The following TUBGCP5 variants were observed in gnomAD, a reference collection of about 807,000 sequenced individuals.
TUBGCP5 encodes the protein gamma-tubulin complex component 5.
TUBGCP5 carries 98 observed loss-of-function variants against 134.7 expected under a neutral mutation model. The observed-to-expected ratio is 0.73, with a 90% CI of 0.62 to 0.86. TUBGCP5 has a LOEUF of 0.86. TUBGCP5 is among the 40% of genes least tolerant of loss of function. TUBGCP5 has a pLI of 0.00. For missense variants in TUBGCP5, 1,150 were observed against 1,244.8 expected, an observed-to-expected ratio of 0.92 and a Z score of 1.15; for synonymous variants, 456 against 431.4, an observed-to-expected ratio of 1.06 and a Z score of -0.71.
In TUBGCP5 at chr15:23,016,861, T is replaced by A. The variant is rs146910988; in HGVS notation, c.1756+912A>T. Among the ~76,000 whole-genome samples, 213 of 151,338 alleles carry A rather than the reference T, an allele frequency of 1.4e-3. 1 individual carries two copies. The highest frequency in any genetic ancestry group is 5.1e-3 in the African/African-American group (210 of 41,202). ...ATCCAAAGGAAAGGAAATCAGGATA[T>A]CAAAGAGACATCCGCACCCCCATGT... On this transcript the variant is annotated intron_variant, in intron 13 of 22. Coordinates refer to ENST00000615383, the MANE Select transcript of TUBGCP5 (RefSeq NM_052903.6).
At chr15:22,992,150 C>T (rs1357898883) in intron 23 of TUBGCP5, among the ~76,000 whole-genome samples, 1 of 152,120 alleles carries the variant, frequency 6.6e-6, no homozygotes, top group South Asian at 2.1e-4. Flanking sequence ...TCCTCCCTGG[C>T]GTAATAAATC....
At chr15:23,035,120 G>C (rs1250610183) in intron 3 of TUBGCP5, among the ~76,000 whole-genome samples, 1 of 152,054 alleles carries the variant, frequency 6.6e-6, no homozygotes, top group African/African-American at 2.4e-5. Context: ...TTGAGGTCAA[G>C]AGTTCGGGAC....
rs561920967 is a variant in TUBGCP5, at chr15:23,027,221, T to C, written c.708A>G (p.Leu236=). The change falls in exon 7 of 23, where the codon TTA becomes TTG. Residue 236 remains leucine, a synonymous_variant. Coordinates refer to ENST00000615383, the MANE Select transcript of TUBGCP5 (RefSeq NM_052903.6). ...CAGCAGCTAAATTAGAGTGCAAATG[T>C]AAACTATGAGGAAACTGGGAGGGCC... ...TARPSQFPHS[L]HLHSNLAAVW... The C allele has an allele frequency of 1.7e-5, 27 of 1,613,814 alleles. 3 individuals are homozygous for C. In the South Asian group the frequency reaches 3.0e-4, roughly 18 times the overall value.
At position 23,013,061 on chromosome 15, in the gene TUBGCP5, C is replaced by T. The variant is rs1432566477; in HGVS notation, c.1757-1730G>A. Among the ~76,000 whole-genome samples the T allele has an allele frequency of 6.6e-6, 1 of 152,078 alleles. No individual in the cohort carries two copies. Among genetic ancestry groups the T allele is most frequent in the Non-Finnish European group, 1.5e-5 (1 of 68,014 alleles). On this transcript the variant is annotated intron_variant, in intron 13 of 22. Transcript: ENST00000615383. This position sits in a 1 kb window ranked among gnomAD's most constrained non-coding sequence, Gnocchi z 4.5. ...GAAGTTGCAGTGAGCCGAGATCATGCCACTGCACTCCAGTCGCCAGCAAGG... is the reference window on the plus strand; with the variant it reads ...GAAGTTGCAGTGAGCCGAGATCATGTCACTGCACTCCAGTCGCCAGCAAGG...
At position 23,009,951 on chromosome 15, in the gene TUBGCP5, T is replaced by C; in HGVS notation, c.2138A>G (p.Asp713Gly). 1 of 1,611,940 alleles carries C rather than the reference T, an allele frequency of 6.2e-7. No individual in the cohort carries two copies. The highest frequency in any genetic ancestry group is 1.1e-5 in the South Asian group (1 of 90,888). Residue 713 changes from aspartate (D) to glycine (G), a missense_variant, in exon 15 of 23, where the codon GAT becomes GGT. Asp to Gly is a moderately conservative substitution (Grantham distance 94). Transcript: ENST00000615383. ...CGNLMQTLKK[D>G]YRLVEYLQAM... ...AATTAAATTACTCTTTTACCTGTAA[T>C]CTTTTTTTAGAGTTTGCATGAGATT... is the stretch of plus-strand genomic sequence containing the variant.
At chr15:22,988,599 G>T (rs1010208593) in intron 23 of TUBGCP5, among the ~76,000 whole-genome samples, 10 of 151,582 alleles carry the variant, frequency 6.6e-5, no homozygotes, top group African/African-American at 2.4e-4. Flanking sequence ...AGCCGGGCGT[G>T]GTGGTGGGTG....
rs554983044 is a variant in TUBGCP5 at position 22,991,401 on chromosome 15, ACT to A, written c.*61+5442_*61+5443del. Among the ~76,000 whole-genome samples the A allele has an allele frequency of 6.6e-5, 10 of 151,914 alleles. No homozygotes were observed. The South Asian group carries it at 1.9e-3, about 28-fold the overall frequency. On this transcript the variant is annotated intron_variant and NMD_transcript_variant, in intron 23 of 23. Transcript: ENST00000614508. ...GTGAGCCACCATGCCCAGCCAAATT[ACT>A]CTTTCTTAACTTAATGATGCCATGA...
chr15:23,036,619 T>C (rs759423507), intron 3 of TUBGCP5, among the ~76,000 whole-genome samples: 12 of 152,150 alleles, frequency 7.9e-5, no homozygotes, highest in African/African-American at 2.7e-4. Flanking sequence ...TTTGAAAGTT[T>C]TGAGATACCC....
intron 7 of TUBGCP5, 35 bp downstream of exon 7, chr15:23,027,157 T>C (rs2066026732): frequency 6.7e-7 from 1 of 1,484,074 alleles, no homozygotes. Flanking sequence ...AAGTTTCTTC[T>C]ATCATCACAT....
chr15:22,993,638 G>C (rs1270762006), intron 23 of TUBGCP5, among the ~76,000 whole-genome samples: 1 of 148,540 alleles, frequency 6.7e-6, no homozygotes, highest in African/African-American at 2.5e-5. Flanking sequence ...TCCGCCTCCT[G>C]GGTTCAAGCG....
chr15:23,010,962 C>G (rs997429967), intron 14 of TUBGCP5, among the ~76,000 whole-genome samples, 171 bp downstream of exon 14: 12 of 149,138 alleles, frequency 8.0e-5, no homozygotes, highest in Non-Finnish European at 1.3e-4. Flanking sequence ...GCCTGGGTGA[C>G]AGACTGAGGC....
At chr15:23,024,966 A>AGTGCAGC (rs1567150733) in intron 8 of TUBGCP5, 136 bp from the exon 9 acceptor site, 1 of 593,662 alleles carries the variant, frequency 1.7e-6, no homozygotes, top group Non-Finnish European at 3.0e-6. Context: ...CAGCAGCATG[A>AGTGCAGC]TCACAGCTCA....
At chr15:22,990,743 A>G (rs574877393) in intron 23 of TUBGCP5, among the ~76,000 whole-genome samples, 1 of 152,310 alleles carries the variant, frequency 6.6e-6, no homozygotes, top group African/African-American at 2.4e-5. Context: ...AAAGAGTCTT[A>G]GCAGATCTAA....
intron 7 of TUBGCP5, among the ~76,000 whole-genome samples, 193 bp from the exon 8 acceptor site, chr15:23,026,398 C>A (rs1273711384): frequency 1.3e-5 from 2 of 152,112 alleles, no homozygotes; most frequent in Non-Finnish European, 2.9e-5. Flanking sequence ...AGAACAATTA[C>A]AATTGTTACG....
At chr15:23,024,452 A>G in intron 9 of TUBGCP5, 1 of 445,756 alleles carries the variant, frequency 2.2e-6, no homozygotes, top group Non-Finnish European at 3.9e-6. Context: ...AAACAAAATT[A>G]CAGTATATAA....
intron 3 of TUBGCP5, among the ~76,000 whole-genome samples, chr15:23,035,636 C>T (rs1351220542): frequency 6.6e-6 from 1 of 152,158 alleles, no homozygotes; most frequent in Non-Finnish European, 1.5e-5. Context: ...CCCCACTGCA[C>T]CTCCTGCCAT....
intron 23 of TUBGCP5, among the ~76,000 whole-genome samples, chr15:22,989,195 A>G (rs1322040753): frequency 1.3e-5 from 2 of 152,168 alleles, no homozygotes; most frequent in African/African-American, 4.8e-5. Flanking sequence ...TGCCATGTAA[A>G]CTAACATAGT....
chr15:23,038,182 AAT>A (rs1491513472), intron 1 of TUBGCP5, among the ~76,000 whole-genome samples: 1 of 152,174 alleles, frequency 6.6e-6, no homozygotes, highest in Non-Finnish European at 1.5e-5. Context: ...CTATGCAAAA[AAT>A]GTTTTCCATT....
chr15:23,039,484 C>A lies in TUBGCP5; in HGVS notation c.60G>T (p.Arg20=). 1 of 1,527,238 alleles carries A rather than the reference C, an allele frequency of 6.5e-7. No homozygotes were observed. The highest frequency in any genetic ancestry group is 8.8e-7 in the Non-Finnish European group (1 of 1,133,196). 94.6% of individuals were successfully genotyped at this position (1,527,238 alleles called of 1,614,324 possible). A position where few individuals can be genotyped will look rare whatever the true frequency, so the allele number is the denominator to read the frequency against. Residue 20 remains arginine, a synonymous_variant, in exon 1 of 23, where the codon CGG becomes CGT. Coordinates refer to ENST00000615383, the MANE Select transcript of TUBGCP5 (RefSeq NM_052903.6). ...GGCCGGCGACACCCCGGACGAGCTC[C>A]CGCACGTCGCGCTCCTGCTGCGCGT... ...RLDAQQERDV[R]ELVRGVAGLQ...
Sources: gnomAD v4.1 joint callset for allele counts (sites outside exome capture counted in the v4.1 genomes callset) on GRCh38, gnomAD v4.1.1 for gene constraint, Gnocchi (gnomAD v3.1) non-coding constraint, MANE v1.5 for transcripts, NCBI Gene and HGNC (gene_info 2026-07-23, HGNC 2026-07-21) for gene names.